The following GPATCH8 variants were observed in gnomAD, a reference collection of about 807,000 sequenced individuals.
GPATCH8 encodes the protein G-patch domain containing 8, also known as G patch domain-containing protein 8.
In GPATCH8, 18 loss-of-function variants were observed where a neutral mutation model predicts 118.3. The observed-to-expected ratio is 0.15, with a 90% CI of 0.11 to 0.23. GPATCH8 has a LOEUF of 0.23. Among genes scored for constraint, GPATCH8 ranks in the 10% least tolerant of loss-of-function variants. The pLI, the probability that GPATCH8 is intolerant of heterozygous loss-of-function variation, is 1.00. For synonymous variants in GPATCH8, 659 were observed against 684.7 expected, an observed-to-expected ratio of 0.96 and a Z score of 0.59; for missense variants, 1,631 against 1,873.8, an observed-to-expected ratio of 0.87 and a Z score of 2.39.
chr17:44,413,547 T>A lies in GPATCH8; in HGVS notation c.493-7496A>T, dbSNP rs558096012. 1.6e-4 allele frequency among the ~76,000 whole-genome samples: 25 copies of A among 152,238 alleles called. No homozygotes were observed. The East Asian group carries it at 4.4e-3, about 27-fold the overall frequency. Reference sequence around the variant, plus strand: ...CCCAGGCTGGAGTGCAGTGGCGCGATCTTGGCTCACTGCAACCTCCCGAGT... The same window carrying A: ...CCCAGGCTGGAGTGCAGTGGCGCGAACTTGGCTCACTGCAACCTCCCGAGT... On this transcript the variant is annotated intron_variant, in intron 6 of 7. Transcript: ENST00000591680.
At position 44,400,889 on chromosome 17, in the gene GPATCH8, G is replaced by A. The variant is rs968899124; in HGVS notation, c.1188C>T (p.Tyr396=). ...AGATEPEYYH[Y]IPPAHCKVKP... Reference sequence around the variant, plus strand: ...TTACTTTGCAGTGTGCTGGGGGGATGTAGTGGTAATACTCAGGCTCTGTAG... The same window carrying A: ...TTACTTTGCAGTGTGCTGGGGGGATATAGTGGTAATACTCAGGCTCTGTAG... Residue 396 remains tyrosine (Y), a synonymous_variant, in exon 8 of 8, where the codon TAC becomes TAT. Coordinates refer to ENST00000591680, the MANE Select transcript of GPATCH8 (RefSeq NM_001002909.4). 5 of 1,613,734 alleles carry A rather than the reference G, an allele frequency of 3.1e-6. No individual in the cohort carries two copies. Among genetic ancestry groups the A allele is most frequent in the Non-Finnish European group, 4.2e-6 (5 of 1,179,732 alleles).
At chr17:44,403,639 A>G (rs892512484) in intron 7 of GPATCH8, among the ~76,000 whole-genome samples, 1 of 152,166 alleles carries the variant, frequency 6.6e-6, no homozygotes, top group African/African-American at 2.4e-5. Context: ...AACCCTAGCT[A>G]ACAGCTTTCC....
At chr17:44,484,776 G>A (rs969881961) in intron 1 of GPATCH8, among the ~76,000 whole-genome samples, 4 of 152,084 alleles carry the variant, frequency 2.6e-5, no homozygotes, top group Middle Eastern at 3.4e-3. Flanking sequence ...GTTAAATTTC[G>A]CCCTAATTTG....
At chr17:44,436,746 A>AC (rs11448727) in intron 3 of GPATCH8, 360,421 of 610,668 alleles carry the variant, frequency 0.59, 108,072 homozygotes, top group Middle Eastern at 0.66. Flanking sequence ...ACCTTGGCTG[A>AC]CGTCCAGTTG....
intron 5 of GPATCH8, among the ~76,000 whole-genome samples, chr17:44,429,842 T>A (rs2050237996): frequency 6.8e-6 from 1 of 146,636 alleles, no homozygotes; most frequent in Admixed American, 6.9e-5. Context: ...CCAACTTGAG[T>A]GACAGAGTAA....
intron 1 of GPATCH8, among the ~76,000 whole-genome samples, chr17:44,501,470 T>C (rs1483685086): frequency 1.3e-5 from 2 of 151,968 alleles, no homozygotes; most frequent in Non-Finnish European, 2.9e-5. Flanking sequence ...GTTGGTTCTT[T>C]CAACATATAA....
rs56962134 is a variant in GPATCH8, at chr17:44,453,500, G to GGTGTGTGTGTGTGTGTGTGTGTGTGTGT, written c.193+10944_193+10971dup. On this transcript the variant is annotated intron_variant, in intron 3 of 7. Transcript: ENST00000591680. ...AGTTGTAGGTAGGTAGGTAGGTAGG[G>GGTGTGTGTGTGTGTGTGTGTGTGTGTGT]GTGTGTGTGTGTGTGTGTGTGTGTG... 4.6e-3 allele frequency among the ~76,000 whole-genome samples: 661 copies of GGTGTGTGTGTGTGTGTGTGTGTGTGTGT among 142,708 alleles called. 15 individuals are homozygous for GGTGTGTGTGTGTGTGTGTGTGTGTGTGT. The highest frequency in any genetic ancestry group is 0.017 in the African/African-American group (640 of 36,868). The allele number at this position is 142,708 out of a possible 152,430, so 93.6% of individuals were successfully genotyped here. A position where few individuals can be genotyped will look rare whatever the true frequency, so the allele number is the denominator to read the frequency against.
chr17:44,397,458 C>CA lies in GPATCH8; in HGVS notation c.*109dup, dbSNP rs755892990. On this transcript the variant is annotated 3_prime_UTR_variant, in exon 8 of 8. Coordinates refer to ENST00000591680, the MANE Select transcript of GPATCH8 (RefSeq NM_001002909.4). ...AGCCAAAACTCAATTCTTTGGCTGTCAGACACTGCCCATCCCAGCTTCTAC... is the reference window on the plus strand; with the variant it reads ...AGCCAAAACTCAATTCTTTGGCTGTCAAGACACTGCCCATCCCAGCTTCTAC... The CA allele has an allele frequency of 2.5e-6, 2 of 793,564 alleles. No individual in the cohort carries two copies. The highest frequency in any genetic ancestry group is 2.6e-5 in the East Asian group (1 of 38,548). The allele number at this position is 793,564 out of a possible 1,614,324, so 49.2% of individuals were successfully genotyped here. A position where few individuals can be genotyped will look rare whatever the true frequency, so the allele number is the denominator to read the frequency against.
rs554841939 is a variant in GPATCH8, at chr17:44,459,690, TC to T, written c.193+4781del. ...AAGGAGTGCACAAAAGTAGAAAACA[TC>T]ATCCTTGGCTTCAAGGAAACTTCAA... is the stretch of plus-strand genomic sequence containing the variant. On this transcript the variant is annotated intron_variant, in intron 3 of 7. Transcript: ENST00000591680. 4.0e-4 allele frequency among the ~76,000 whole-genome samples: 61 copies of T among 151,926 alleles called. 1 individual carries two copies. Among genetic ancestry groups the T allele is most frequent in the African/African-American group, 1.5e-3 (61 of 41,402 alleles).
intron 1 of GPATCH8, chr17:44,486,386 T>C (rs1968783298): frequency 1.3e-5 from 2 of 152,206 alleles, no homozygotes; most frequent in African/African-American, 4.8e-5. Context: ...TTAAAGGTGA[T>C]TTGCATTGTT....
chr17:44,430,491 C>A (rs1598470531), intron 5 of GPATCH8, among the ~76,000 whole-genome samples: 1 of 152,244 alleles, frequency 6.6e-6, no homozygotes, highest in East Asian at 1.9e-4. Flanking sequence ...TACTCTCTTT[C>A]ATGGTAAAAA....
chr17:44,453,530 T>TGTGTGTGTGTGTGCGCGCGC (rs1052518435), intron 3 of GPATCH8, among the ~76,000 whole-genome samples: 1 of 150,452 alleles, frequency 6.6e-6, no homozygotes, highest in African/African-American at 2.5e-5. Flanking sequence ...TGTGTGTGTG[T>TGTGTGTGTGTGTGCGCGCGC]GCAGGCGCGC....
At chr17:44,462,660 T>C (rs982968023) in intron 3 of GPATCH8, among the ~76,000 whole-genome samples, 10 of 152,118 alleles carry the variant, frequency 6.6e-5, no homozygotes, top group African/African-American at 1.4e-4. Context: ...TTTGTAGAAG[T>C]AGAATTTTAA....
chr17:44,477,745 G>GA (rs1568046973), intron 1 of GPATCH8, among the ~76,000 whole-genome samples: 1 of 151,020 alleles, frequency 6.6e-6, no homozygotes, highest in African/African-American at 2.4e-5. Context: ...TTTCAGGAAT[G>GA]AAAAAAAGCA....
intron 3 of GPATCH8, among the ~76,000 whole-genome samples, chr17:44,453,275 T>A (rs1310009895): frequency 6.6e-6 from 1 of 152,180 alleles, no homozygotes; most frequent in East Asian, 1.9e-4. Context: ...AGGACTGAGA[T>A]CTGAATCCTG....
chr17:44,502,820 G>C lies in GPATCH8; in HGVS notation c.45+506C>G, dbSNP rs992049041. 3.3e-5 allele frequency among the ~76,000 whole-genome samples: 5 copies of C among 152,308 alleles called. No individual in the cohort carries two copies. In the East Asian group the frequency reaches 9.6e-4, roughly 29 times the overall value. On this transcript the variant is annotated intron_variant, in intron 1 of 7. Transcript: ENST00000591680. ...GATAGCGAAGGCAACCTTTTCCCAG[G>C]TAAGGAAGAGGAAAAGCAGACAATG... is the stretch of plus-strand genomic sequence containing the variant.
At chr17:44,456,317 T>C (rs1338652578) in intron 3 of GPATCH8, among the ~76,000 whole-genome samples, 1 of 152,086 alleles carries the variant, frequency 6.6e-6, no homozygotes, top group African/African-American at 2.4e-5. Flanking sequence ...GGTCTTGTTA[T>C]ATTGTCTAGG....
At chr17:44,470,445 C>T (rs1198162243) in intron 2 of GPATCH8, among the ~76,000 whole-genome samples, 1 of 149,392 alleles carries the variant, frequency 6.7e-6, no homozygotes, top group Non-Finnish European at 1.5e-5. Context: ...CCACCCACCT[C>T]GGCCTCCCAA....
chr17:44,465,826 T>C (rs2051740134), intron 2 of GPATCH8: 1 of 152,208 alleles, frequency 6.6e-6, no homozygotes, highest in Non-Finnish European at 1.5e-5. Flanking sequence ...AAAGTGTTCT[T>C]TGAACTCATA....
Sources: allele counts gnomAD v4.1 joint callset (sites outside exome capture counted in the v4.1 genomes callset), GRCh38; gene constraint gnomAD v4.1.1; transcripts MANE v1.5; gene names NCBI Gene and HGNC (gene_info 2026-07-23, HGNC 2026-07-21).